The following RAB20 variants were observed in gnomAD, a reference collection of about 807,000 sequenced individuals.
RAB20 encodes ras-related protein Rab-20.
A neutral mutation model predicts 3.7 loss-of-function variants in RAB20; 2 were observed. That is an observed-to-expected ratio of 0.54 (90% CI 0.22 to 1.69). The LOEUF (loss-of-function observed/expected upper bound fraction) is 1.69, where lower values mean the gene tolerates loss of function less well. Ranked by LOEUF, RAB20 falls within the 40% of genes most tolerant of loss-of-function variation. The pLI, the probability that RAB20 is intolerant of heterozygous loss-of-function variation, is 0.19. For missense variants in RAB20, 276 were observed against 311.9 expected (o/e 0.88, Z 0.87); for synonymous variants, 126 against 130.8 (o/e 0.96, Z 0.25).
intron 1 of RAB20, among the ~76,000 whole-genome samples, chr13:110,552,995 G>A (rs1254660284): frequency 6.6e-6 from 1 of 152,216 alleles, no homozygotes; most frequent in Admixed American, 6.5e-5. Flanking sequence ...CGAGTATAAT[G>A]TCGCTTTGTC....
intron 1 of RAB20, among the ~76,000 whole-genome samples, chr13:110,549,220 G>T (rs1443836036): frequency 1.3e-5 from 2 of 152,234 alleles, no homozygotes; most frequent in Non-Finnish European, 2.9e-5. Context: ...GGAGCTACAA[G>T]CTTAGCTTGG....
At chr13:110,529,129 G>T (rs139344613) in intron 1 of RAB20, among the ~76,000 whole-genome samples, 155 of 152,306 alleles carry the variant, frequency 1.0e-3, no homozygotes, top group Non-Finnish European at 1.6e-3. Flanking sequence ...GGTATGTAAG[G>T]CATGAGAGTG....
At chr13:110,528,770 T>C (rs1292808396) in intron 1 of RAB20, among the ~76,000 whole-genome samples, 4 of 151,944 alleles carry the variant, frequency 2.6e-5, no homozygotes, top group Non-Finnish European at 5.9e-5. Context: ...AAGGAAATAA[T>C]AATATAAAAG....
intron 1 of RAB20, among the ~76,000 whole-genome samples, chr13:110,543,766 T>C (rs1884805151): frequency 7.7e-6 from 1 of 129,490 alleles, no homozygotes; most frequent in South Asian, 2.5e-4. Context: ...TTTAATCAAA[T>C]GTGGGTTATT....
chr13:110,561,296 C>T, intron 1 of RAB20, 52 bp downstream of exon 1: 1 of 1,498,428 alleles, frequency 6.7e-7, no homozygotes, highest in South Asian at 1.3e-5. Flanking sequence ...CCCGCGCCCC[C>T]CGTCCCCGGC....
At chr13:110,542,851 T>C (rs554140160) in intron 1 of RAB20, among the ~76,000 whole-genome samples, 92 of 152,284 alleles carry the variant, frequency 6.0e-4, no homozygotes, top group African/African-American at 2.1e-3. Flanking sequence ...TTGTTCTAGT[T>C]TTAATTTTTT....
At chr13:110,549,615 C>T (rs1040479317) in intron 1 of RAB20, among the ~76,000 whole-genome samples, 3 of 152,376 alleles carry the variant, frequency 2.0e-5, no homozygotes, top group African/African-American at 7.2e-5. Flanking sequence ...GGGTCCTGCC[C>T]CATACCCTAG....
intron 1 of RAB20, among the ~76,000 whole-genome samples, chr13:110,560,199 T>G (rs1041959005): frequency 1.7e-4 from 26 of 152,308 alleles, no homozygotes; most frequent in African/African-American, 6.0e-4. Context: ...AAGACAGAGT[T>G]GGAGCAAAGA....
intron 1 of RAB20, among the ~76,000 whole-genome samples, chr13:110,550,068 C>A (rs1412671458): frequency 6.6e-6 from 1 of 152,152 alleles, no homozygotes; most frequent in Non-Finnish European, 1.5e-5. Context: ...CAACCACAGA[C>A]AACCAATGAA....
In RAB20 at chr13:110,523,852, G is replaced by T; in HGVS notation, c.518C>A (p.Pro173Gln). ...KYKMLDEQDV[P>Q]AAEQMCFETS... Reference sequence around the variant, plus strand: ...CTCAAAGCACATTTGCTCAGCGGCCGGCACATCCTGCTCATCCAGCATCTT... The same window carrying T: ...CTCAAAGCACATTTGCTCAGCGGCCTGCACATCCTGCTCATCCAGCATCTT... Residue 173 changes from proline to glutamine, a missense_variant, in exon 2 of 2, where the codon CCG becomes CAG. Physicochemically the swap from Pro to Gln is moderately conservative, Grantham distance 76. Transcript: ENST00000267328. 6.2e-7 allele frequency: 1 copy of T among 1,614,178 alleles called. No homozygotes were observed. The highest frequency in any genetic ancestry group is 8.5e-7 in the Non-Finnish European group (1 of 1,180,028).
At chr13:110,543,956 G>C (rs1884810350) in intron 1 of RAB20, among the ~76,000 whole-genome samples, 1 of 151,936 alleles carries the variant, frequency 6.6e-6, no homozygotes, top group Non-Finnish European at 1.5e-5. Context: ...TGTATTTTTA[G>C]TAGAGATGTG....
At chr13:110,557,353 G>C (rs1449034105) in intron 1 of RAB20, among the ~76,000 whole-genome samples, 1 of 152,222 alleles carries the variant, frequency 6.6e-6, no homozygotes, top group Admixed American at 6.5e-5. Context: ...GATAGGATGA[G>C]GGAAGAATTG....
Position 110,524,167 on chromosome 13 carries a change from A to C in RAB20, c.203T>G (p.Met68Arg). Residue 68 changes from methionine (M) to arginine (R), a missense_variant, in exon 2 of 2, where the codon ATG becomes AGG. Physicochemically the swap from Met to Arg is moderately conservative, Grantham distance 91 (BLOSUM62 -1). Coordinates refer to ENST00000267328, the MANE Select transcript of RAB20 (RefSeq NM_017817.3). ...GATGGCGGCCGCCCCCCGGCAGTAC[A>C]TGGAGCCCAGGCCGTGGAACTGCTC... Reference protein sequence around the residue: ...GREQFHGLGSMYCRGAAAIIL... With the variant: ...GREQFHGLGSRYCRGAAAIIL... The C allele has an allele frequency of 6.2e-7, 1 of 1,602,998 alleles. No homozygotes were observed. Among genetic ancestry groups the C allele is most frequent in the Non-Finnish European group, 8.5e-7 (1 of 1,178,796 alleles).
chr13:110,523,819 G>A lies in RAB20; in HGVS notation c.551C>T (p.Ala184Val), dbSNP rs1884377346. 6.2e-7 allele frequency: 1 copy of A among 1,614,066 alleles called. No individual in the cohort carries two copies. Among genetic ancestry groups the A allele is most frequent in the Admixed American group, 1.7e-5 (1 of 59,998 alleles). ...AAEQMCFETSAKTGYNVDLLF... is the reference protein window; with the variant it reads ...AAEQMCFETSVKTGYNVDLLF... The stretch of plus-strand genomic sequence containing the variant: ...GAGGTCCACATTGTAGCCGGTCTTG[G>A]CGCTGGTCTCAAAGCACATTTGCTC... The change falls in exon 2 of 2, where the codon GCC becomes GTC. Residue 184 changes from alanine to valine, a missense_variant. Coordinates refer to ENST00000267328, the MANE Select transcript of RAB20 (RefSeq NM_017817.3).
At chr13:110,525,823 A>G (rs1884420039) in intron 1 of RAB20, among the ~76,000 whole-genome samples, 1 of 152,334 alleles carries the variant, frequency 6.6e-6, no homozygotes, top group African/African-American at 2.4e-5. Context: ...AGGCAGCAGC[A>G]TGCACCTTGG....
intron 1 of RAB20, among the ~76,000 whole-genome samples, chr13:110,541,891 T>C (rs1370092143): frequency 6.6e-6 from 1 of 151,820 alleles, no homozygotes; most frequent in East Asian, 1.9e-4. Context: ...ATACTCACAG[T>C]TGCATTTCTT....
At chr13:110,524,794 G>A (rs576815934) in intron 1 of RAB20, among the ~76,000 whole-genome samples, 9 of 152,240 alleles carry the variant, frequency 5.9e-5, no homozygotes, top group African/African-American at 1.7e-4. Context: ...AGCACCCTGC[G>A]GTGCTCACGA....
At chr13:110,529,992 A>G (rs550360577) in intron 1 of RAB20, among the ~76,000 whole-genome samples, 1 of 152,326 alleles carries the variant, frequency 6.6e-6, no homozygotes, top group Admixed American at 6.5e-5. Flanking sequence ...CCAATGTCTG[A>G]TCAGCCACAC....
chr13:110,523,276 G>A lies in RAB20; in HGVS notation c.*389C>T, dbSNP rs140106457. On this transcript the variant is annotated 3_prime_UTR_variant, in exon 2 of 2. Coordinates refer to ENST00000267328, the MANE Select transcript of RAB20 (RefSeq NM_017817.3). Reference sequence around the variant, plus strand: ...ACAAGAAATGTCAGAGTTGTAGGACGTGGTAACAACCCAGGGTGCTGAAAC... The same window carrying A: ...ACAAGAAATGTCAGAGTTGTAGGACATGGTAACAACCCAGGGTGCTGAAAC... The A allele has an allele frequency of 1.1e-3, 455 of 419,934 alleles. 2 individuals are homozygous for A. In the Admixed American group the frequency reaches 0.014, roughly 13 times the overall value. 26.0% of individuals were successfully genotyped at this position (419,934 alleles called of 1,614,324 possible).
Sources: allele counts gnomAD v4.1 joint callset (sites outside exome capture counted in the v4.1 genomes callset), GRCh38; gene constraint gnomAD v4.1.1; transcripts MANE v1.5; gene names NCBI Gene and HGNC (gene_info 2026-07-23, HGNC 2026-07-21).